SLC9C1: variants seen among roughly 807,000 people sequenced by gnomAD.
SLC9C1 encodes the protein solute carrier family 9 member C1, also known as sodium/hydrogen exchanger 10.
A neutral mutation model predicts 140.9 loss-of-function variants in SLC9C1; 97 were observed. The ratio of observed to expected loss-of-function variants is 0.69; its 90% CI spans 0.58 to 0.82. The LOEUF (loss-of-function observed/expected upper bound fraction) is 0.82. Among genes scored for constraint, SLC9C1 ranks in the 40% least tolerant of loss-of-function variants. The pLI is 0.00. For missense variants in SLC9C1, 1,340 were observed against 1,389.3 expected (o/e 0.96, Z 0.56); for synonymous variants, 440 against 442.6 (o/e 0.99, Z 0.07).
Position 112,168,905 on chromosome 3 carries a change from G to A in SLC9C1, c.3209C>T (p.Pro1070Leu). The A allele has an allele frequency of 1.3e-6, 2 of 1,597,348 alleles. No homozygotes were observed. Among genetic ancestry groups the A allele is most frequent in the Non-Finnish European group, 1.7e-6 (2 of 1,174,782 alleles). ...DCLLRKTYRA[P>L]FLIPITCHQI... ...ATGGCATGTTATAGGAATTAAGAAA[G>A]GTGCTCTATAAGTTTTTCGTAACAG... The change falls in exon 25 of 29, where the codon CCT (proline) becomes CTT (leucine). Residue 1070 changes from proline to leucine, a missense_variant. Transcript: ENST00000305815.
intron 10 of SLC9C1, among the ~76,000 whole-genome samples, chr3:112,258,831 TG>T (rs961681743): frequency 1.3e-5 from 2 of 151,998 alleles, no homozygotes; most frequent in Admixed American, 1.3e-4. Context: ...GAAGCATGGC[TG>T]GGGAGGACTC....
At chr3:112,267,059 C>G (rs934645510) in intron 7 of SLC9C1, among the ~76,000 whole-genome samples, 2 of 151,896 alleles carry the variant, frequency 1.3e-5, no homozygotes, top group Non-Finnish European at 2.9e-5. Context: ...CGGATGACTG[C>G]TTGAGACCGG....
At chr3:112,163,981 G>A (rs9868012) in intron 26 of SLC9C1, among the ~76,000 whole-genome samples, 46,399 of 151,928 alleles carry the variant, frequency 0.31, 7,354 homozygotes, top group African/African-American at 0.36. Context: ...ATATATTTAG[G>A]ATAGTTAGCT....
At chr3:112,225,903 C>T (rs1220334343) in intron 13 of SLC9C1, among the ~76,000 whole-genome samples, 1 of 152,156 alleles carries the variant, frequency 6.6e-6, no homozygotes, top group African/African-American at 2.4e-5. Context: ...AACCAGAGCA[C>T]TCAGACACAT....
chr3:112,189,603 G>T (rs745673015), intron 20 of SLC9C1, among the ~76,000 whole-genome samples: 1 of 152,126 alleles, frequency 6.6e-6, no homozygotes, highest in Non-Finnish European at 1.5e-5. Flanking sequence ...TCTCTGTTTT[G>T]GTACCAGTAC....
At chr3:112,227,404 G>A (rs2078710498) in intron 13 of SLC9C1, among the ~76,000 whole-genome samples, 1 of 152,072 alleles carries the variant, frequency 6.6e-6, no homozygotes, top group Non-Finnish European at 1.5e-5. Context: ...GATCAAGTGG[G>A]ATTTATCCCA....
chr3:112,241,264 C>G (rs919149445), intron 11 of SLC9C1, among the ~76,000 whole-genome samples: 10 of 152,132 alleles, frequency 6.6e-5, no homozygotes, highest in Admixed American at 6.5e-4. Flanking sequence ...ACTTTGCATG[C>G]CTGTACCAAA....
At chr3:112,221,024 AG>A in intron 14 of SLC9C1, 103 bp downstream of exon 14, 1 of 816,108 alleles carries the variant, frequency 1.2e-6, no homozygotes, top group South Asian at 1.7e-5. Context: ...TAATATTAAT[AG>A]TAGAGGGAGC....
chr3:112,247,977 A>G (rs1223297612), intron 10 of SLC9C1, among the ~76,000 whole-genome samples: 2 of 152,070 alleles, frequency 1.3e-5, no homozygotes, highest in Non-Finnish European at 2.9e-5. Context: ...CTCACTTCTA[A>G]TAAATAGAAT....
At chr3:112,216,805 C>T (rs1005044286) in intron 15 of SLC9C1, among the ~76,000 whole-genome samples, 1 of 152,146 alleles carries the variant, frequency 6.6e-6, no homozygotes, top group Non-Finnish European at 1.5e-5. Context: ...GGCGATTCCT[C>T]AAGGATCTAG....
chr3:112,159,989 A>C (rs1035437827), intron 26 of SLC9C1, among the ~76,000 whole-genome samples: 1 of 151,820 alleles, frequency 6.6e-6, no homozygotes, highest in African/African-American at 2.4e-5. Context: ...GGCAGCATAT[A>C]GTTGGGTTTT....
At chr3:112,292,647 C>T (rs1311879755) in intron 1 of SLC9C1, among the ~76,000 whole-genome samples, 1 of 152,014 alleles carries the variant, frequency 6.6e-6, no homozygotes, top group African/African-American at 2.4e-5. Flanking sequence ...GGGTTCACAC[C>T]ATTCTCCTGC....
intron 16 of SLC9C1, among the ~76,000 whole-genome samples, chr3:112,205,135 T>C (rs1326239424): frequency 1.3e-5 from 2 of 152,054 alleles, no homozygotes; most frequent in East Asian, 3.9e-4. Flanking sequence ...GATGACATGA[T>C]TGTATATCTA....
chr3:112,231,996 C>T (rs558819032), intron 12 of SLC9C1, among the ~76,000 whole-genome samples: 29 of 152,122 alleles, frequency 1.9e-4, no homozygotes, highest in East Asian at 1.2e-3. Context: ...AGTGAACACA[C>T]GTAAAGGAAA....
At position 112,199,477 on chromosome 3, in the gene SLC9C1, AT is replaced by A; in HGVS notation, c.2375-9del. ...GATCATACTCTAAGTAGCCTAAAAA[AT>A]AACAAAATATTTTTAGATTAAATAA... On this transcript the variant is annotated splice_polypyrimidine_tract_variant and intron_variant, in intron 19 of 28. Coordinates refer to ENST00000305815, the MANE Select transcript of SLC9C1 (RefSeq NM_183061.3). 1 of 1,545,948 alleles carries A rather than the reference AT, an allele frequency of 6.5e-7. No homozygotes were observed. Among genetic ancestry groups the A allele is most frequent in the Non-Finnish European group, 8.7e-7 (1 of 1,152,958 alleles).
intron 2 of SLC9C1, among the ~76,000 whole-genome samples, chr3:112,285,035 G>T (rs7650497): frequency 0.61 from 83,662 of 137,386 alleles, 25,556 homozygotes; most frequent in East Asian, 0.79. Flanking sequence ...CACCCAGGCT[G>T]GAATGCAGTG....
Position 112,159,405 on chromosome 3 carries a change from C to A in SLC9C1, c.3365-4356G>T, listed in dbSNP as rs2075222842. 2.6e-5 allele frequency among the ~76,000 whole-genome samples: 4 copies of A among 151,954 alleles called. No homozygotes were observed. In the South Asian group the frequency reaches 8.3e-4, roughly 31 times the overall value. The stretch of plus-strand genomic sequence containing the variant: ...TCCTCTGATTGATTTCTAGTTTTAT[C>A]CCATTGTGGTCATAAAAGATATTTG... On this transcript the variant is annotated intron_variant, in intron 26 of 28. Coordinates refer to ENST00000305815, the MANE Select transcript of SLC9C1 (RefSeq NM_183061.3).
chr3:112,202,048 C>G (rs1483634600), intron 18 of SLC9C1, among the ~76,000 whole-genome samples: 2 of 151,874 alleles, frequency 1.3e-5, no homozygotes, highest in South Asian at 2.1e-4. Flanking sequence ...CTTATAGGAG[C>G]CTTGTAACTT....
intron 26 of SLC9C1, among the ~76,000 whole-genome samples, chr3:112,163,015 G>A (rs1219672134): frequency 2.8e-5 from 3 of 108,610 alleles, no homozygotes; most frequent in Non-Finnish European, 5.6e-5. Context: ...TGTATGTGTC[G>A]AGGAATTTAT....
Sources: allele counts gnomAD v4.1 joint callset (sites outside exome capture counted in the v4.1 genomes callset), GRCh38; gene constraint gnomAD v4.1.1; transcripts MANE v1.5; gene names NCBI Gene and HGNC (gene_info 2026-07-23, HGNC 2026-07-21).